TRPC5OS: variants seen among roughly 807,000 people sequenced by gnomAD.
TRPC5OS encodes TRPC5 opposite strand.
For missense variants in TRPC5OS, 64 were observed against 79.3 expected, an observed-to-expected ratio of 0.81 and a Z score of 0.73; for synonymous variants, 30 against 29.3, an observed-to-expected ratio of 1.02 and a Z score of -0.08.
intron 1 of TRPC5OS, among the ~76,000 whole-genome samples, chrX:111,888,722 A>AGGG (rs1339579597): frequency 1.0e-5 from 1 of 98,431 alleles, no homozygotes; most frequent in African/African-American, 4.3e-5. Flanking sequence ...AAAAAAAAGA[A>AGGG]AGAAAAGAAA....
At chrX:111,884,322 T>A (rs1924369271) in intron 1 of TRPC5OS, among the ~76,000 whole-genome samples, 1 of 112,371 alleles carries the variant, frequency 8.9e-6, no homozygotes, top group Admixed American at 9.4e-5. Flanking sequence ...TAAATCTACT[T>A]AAGTATTTAA....
intron 1 of TRPC5OS, among the ~76,000 whole-genome samples, chrX:111,885,945 A>G (rs1924470366): frequency 8.9e-6 from 1 of 111,821 alleles, no homozygotes; most frequent in Non-Finnish European, 1.9e-5. Context: ...ACTTGAACCT[A>G]GGTTTCTCTG....
chrX:111,895,283 G>C (rs1217778379), intron 1 of TRPC5OS, among the ~76,000 whole-genome samples: 1 of 111,616 alleles, frequency 9.0e-6, no homozygotes, highest in Non-Finnish European at 1.9e-5. Flanking sequence ...ATGAGCAATA[G>C]TGATGAACAC....
chrX:111,883,018 G>A lies in TRPC5OS; in HGVS notation c.-546+6745G>A, dbSNP rs569694160. Among the ~76,000 whole-genome samples, 77 of 108,507 alleles carry A rather than the reference G, an allele frequency of 7.1e-4. No homozygotes were observed. The South Asian group carries it at 0.031, about 43-fold the overall frequency. 94.2% of individuals were successfully genotyped at this position (108,507 alleles called of 115,157 possible). ...GGAGAATCGCTTGAACCTGGGAGGC[G>A]GAGGTTGCAGTGAGCCAAGATCATG... On this transcript the variant is annotated intron_variant, in intron 1 of 3. Transcript: ENST00000635763.
At chrX:111,891,987 G>A (rs1924830338) in intron 1 of TRPC5OS, among the ~76,000 whole-genome samples, 1 of 112,195 alleles carries the variant, frequency 8.9e-6, no homozygotes. Flanking sequence ...AAACAGAAGG[G>A]CCTTTCCTTT....
At chrX:111,881,035 T>C (rs1324827264) in intron 1 of TRPC5OS, among the ~76,000 whole-genome samples, 1 of 112,186 alleles carries the variant, frequency 8.9e-6, no homozygotes, top group Non-Finnish European at 1.9e-5. Context: ...GTGATCTCTC[T>C]TCTAAAATGC....
Position 111,902,826 on chromosome X carries a change from C to T in TRPC5OS, c.*641C>T, listed in dbSNP as rs888709156. The T allele has an allele frequency of 2.8e-4, 31 of 111,842 alleles. 1 individual carries two copies. The Admixed American group carries it at 3.0e-3, about 11-fold the overall frequency. 9.2% of individuals were successfully genotyped at this position (111,842 alleles called of 1,213,427 possible). On this transcript the variant is annotated 3_prime_UTR_variant, in exon 4 of 4. Transcript: ENST00000635763. ...ACTGAAAAAGCTGGGACCAAGAGTT[C>T]CAGTGCAGGACTGTTCTTGCAAATT...
chrX:111,881,311 G>A (rs1407209505), intron 1 of TRPC5OS, among the ~76,000 whole-genome samples: 2 of 110,269 alleles, frequency 1.8e-5, no homozygotes, highest in Non-Finnish European at 3.8e-5. Flanking sequence ...CGAGTAGCTG[G>A]GACTACAGGC....
intron 1 of TRPC5OS, among the ~76,000 whole-genome samples, chrX:111,880,087 C>T (rs1486919630): frequency 9.7e-6 from 1 of 103,300 alleles, no homozygotes; most frequent in Non-Finnish European, 2.0e-5. Flanking sequence ...TTTGTTGCTG[C>T]TTTTTTTTTT....
In TRPC5OS at chrX:111,902,103, A is replaced by G. The variant is rs1925378658; in HGVS notation, c.254A>G (p.Asp85Gly). 1 of 1,152,738 alleles carries G rather than the reference A, an allele frequency of 8.7e-7. No individual in the cohort carries two copies. Among genetic ancestry groups the G allele is most frequent in the Admixed American group, 2.6e-5 (1 of 38,355 alleles). The allele number at this position is 1,152,738 out of a possible 1,213,427, so 95.0% of individuals were successfully genotyped here. A position where few individuals can be genotyped will look rare whatever the true frequency, so the allele number is the denominator to read the frequency against. The change falls in exon 4 of 4, where the codon GAT becomes GGT. Residue 85 changes from aspartate (D) to glycine (G), a missense_variant. Asp to Gly is a moderately conservative substitution (Grantham distance 94). Transcript: ENST00000635763. ...TPREDEDLIFDIDQAMLDMDN... is the reference protein window; with the variant it reads ...TPREDEDLIFGIDQAMLDMDN... The stretch of plus-strand genomic sequence containing the variant: ...AGAGAGGATGAAGACCTAATATTTG[A>G]TATAGATCAGGCTATGTTAGACATG...
chrX:111,888,709 A>G lies in TRPC5OS; in HGVS notation c.-545-7242A>G, dbSNP rs759452911. On this transcript the variant is annotated intron_variant, in intron 1 of 3. Transcript: ENST00000635763. ...ACTCTATCTCAAAAAAAAAAAAAAA[A>G]AAAAAAAAAAGAAAGAAAAGAAAAG... Among the ~76,000 whole-genome samples the G allele has an allele frequency of 6.0e-3, 626 of 104,494 alleles. 2 individuals carry two copies. Among genetic ancestry groups the G allele is most frequent in the Non-Finnish European group, 9.7e-3 (495 of 51,257 alleles). 90.7% of individuals were successfully genotyped at this position (104,494 alleles called of 115,157 possible).
intron 3 of TRPC5OS, among the ~76,000 whole-genome samples, chrX:111,898,019 G>A (rs1925151865): frequency 9.1e-6 from 1 of 109,980 alleles, no homozygotes; most frequent in South Asian, 3.8e-4. Context: ...TGAGAATTCT[G>A]GTTCCTCTAC....
intron 1 of TRPC5OS, among the ~76,000 whole-genome samples, chrX:111,885,574 T>C (rs567227387): frequency 2.7e-3 from 293 of 110,540 alleles, no homozygotes; most frequent in South Asian, 0.012. Context: ...AGAAAACTTT[T>C]CTTTGTCTTG....
chrX:111,885,102 G>A (rs750884393), intron 1 of TRPC5OS, among the ~76,000 whole-genome samples: 11 of 113,029 alleles, frequency 9.7e-5, no homozygotes, highest in Middle Eastern at 4.6e-3. Context: ...GTGGAGCCAG[G>A]CTTATGCCTA....
chrX:111,877,230 A>G (rs1923992288), intron 1 of TRPC5OS, among the ~76,000 whole-genome samples: 1 of 111,774 alleles, frequency 8.9e-6, no homozygotes, highest in Non-Finnish European at 1.9e-5. Flanking sequence ...GATATTTTGG[A>G]GATAAAATTG....
At chrX:111,879,752 G>C (rs762879869) in intron 1 of TRPC5OS, among the ~76,000 whole-genome samples, 155 of 112,539 alleles carry the variant, frequency 1.4e-3, no homozygotes, top group Middle Eastern at 9.3e-3. Flanking sequence ...TTTTTACAGA[G>C]AAAGAAATAT....
chrX:111,892,832 C>T (rs1165432118), intron 1 of TRPC5OS, among the ~76,000 whole-genome samples: 1 of 111,773 alleles, frequency 8.9e-6, no homozygotes, highest in Non-Finnish European at 1.9e-5. Context: ...CCATGGGCAG[C>T]TATTCACTAG....
At chrX:111,898,853 C>T (rs1478663590) in intron 3 of TRPC5OS, among the ~76,000 whole-genome samples, 4 of 109,835 alleles carry the variant, frequency 3.6e-5, no homozygotes, top group Non-Finnish European at 5.7e-5. Context: ...CAGAATGACA[C>T]GAAATCATTC....
At chrX:111,880,758 C>T (rs913166499) in intron 1 of TRPC5OS, among the ~76,000 whole-genome samples, 21 of 112,190 alleles carry the variant, frequency 1.9e-4, no homozygotes, top group African/African-American at 6.8e-4. Flanking sequence ...AGGTTGGAAC[C>T]AATTACCAGT....
Sources: allele counts gnomAD v4.1 joint callset (sites outside exome capture counted in the v4.1 genomes callset), GRCh38; gene constraint gnomAD v4.1.1; transcripts MANE v1.5; gene names NCBI Gene and HGNC (gene_info 2026-07-23, HGNC 2026-07-21).